The following AHRR variants were observed in gnomAD, a reference collection of about 807,000 sequenced individuals.
AHRR encodes ahR repressor.
Under a neutral mutation model 44.0 loss-of-function variants are expected in AHRR, and 28 were observed. That is an observed-to-expected ratio of 0.64 (90% confidence interval 0.47 to 0.87). AHRR has a LOEUF of 0.87. AHRR is among the 40% of genes least tolerant of loss of function. AHRR has a pLI of 0.00. For synonymous variants in AHRR, 434 were observed against 407.0 expected (o/e 1.07, Z -0.80); for missense variants, 990 against 953.9 (o/e 1.04, Z -0.50).
intron 5 of AHRR, among the ~76,000 whole-genome samples, chr5:414,296 C>G (rs1322820466): frequency 6.6e-6 from 1 of 151,968 alleles, no homozygotes; most frequent in Non-Finnish European, 1.5e-5. Flanking sequence ...AAATCCCACT[C>G]AAGGCCAGGA....
chr5:434,623 C>T lies in AHRR; in HGVS notation c.1883C>T (p.Ser628Leu), dbSNP rs748535811. 32 of 1,561,884 alleles carry T rather than the reference C, an allele frequency of 2.0e-5. No individual in the cohort carries two copies. The highest frequency in any genetic ancestry group is 1.1e-4 in the African/African-American group (8 of 73,580). Reference sequence around the variant, plus strand: ...GAGCCCACAGACGGCCTTCCCCAGTCGGAGCCTCCCCACCAGCTCTGTGCA... The same window carrying T: ...GAGCCCACAGACGGCCTTCCCCAGTTGGAGCCTCCCCACCAGCTCTGTGCA... The part of the protein sequence containing the change: ...CLEPTDGLPQ[S>L]EPPHQLCARG... Residue 628 changes from serine (S) to leucine (L), a missense_variant, in exon 11 of 11, where the codon TCG (serine) becomes TTG (leucine). Physicochemically the swap from Ser to Leu is moderately radical, Grantham distance 145 (BLOSUM62 -2). Coordinates refer to ENST00000684583, the MANE Select transcript of AHRR (RefSeq NM_001377236.1).
intron 1 of AHRR, among the ~76,000 whole-genome samples, chr5:333,147 A>G (rs949289849): frequency 5.3e-5 from 8 of 152,060 alleles, no homozygotes; most frequent in Admixed American, 2.0e-4. Context: ...GCCTCAAGCA[A>G]TCCTCCCATC....
At chr5:328,204 C>CCCG (rs1196296276) in intron 1 of AHRR, among the ~76,000 whole-genome samples, 1 of 150,610 alleles carries the variant, frequency 6.6e-6, no homozygotes, top group Admixed American at 6.6e-5. Flanking sequence ...AGTTTACATT[C>CCCG]CCGCCAATAG....
rs1734650358 is a variant in AHRR, at chr5:395,282, G to A, written c.352-18062G>A. 6.6e-6 allele frequency among the ~76,000 whole-genome samples: 1 copy of A among 152,218 alleles called. No homozygotes were observed. The highest frequency in any genetic ancestry group is 2.4e-5 in the African/African-American group (1 of 41,454). Reference sequence around the variant, plus strand: ...ACACTGGTGCGGAATGCAGACAGAGGGGGCCTGGGAGACACGAGCCCCGGT... The same window carrying A: ...ACACTGGTGCGGAATGCAGACAGAGAGGGCCTGGGAGACACGAGCCCCGGT... On this transcript the variant is annotated intron_variant, in intron 4 of 10. Coordinates refer to ENST00000684583, the MANE Select transcript of AHRR (RefSeq NM_001377236.1). The surrounding 1 kb of genome is among the most constrained non-coding windows in gnomAD (Gnocchi z 5.3).
chr5:411,359 A>G lies in AHRR; in HGVS notation c.352-1985A>G, dbSNP rs1735461433. ...TTATGATGCAATTTTGGGTCTGTGTAGCTGCACCTGTTCTTACCATTCTCC... is the reference window on the plus strand; with the variant it reads ...TTATGATGCAATTTTGGGTCTGTGTGGCTGCACCTGTTCTTACCATTCTCC... On this transcript the variant is annotated intron_variant, in intron 4 of 10. Coordinates refer to ENST00000684583, the MANE Select transcript of AHRR (RefSeq NM_001377236.1). This position sits in a 1 kb window ranked among gnomAD's most constrained non-coding sequence, Gnocchi z 4.2. Among the ~76,000 whole-genome samples, 2 of 151,940 alleles carry G rather than the reference A, an allele frequency of 1.3e-5. No homozygotes were observed. The highest frequency in any genetic ancestry group is 1.5e-5 in the Non-Finnish European group (1 of 68,010).
rs1461546876 is a variant in AHRR, at chr5:434,303, C to A, written c.1563C>A (p.Asp521Glu). Residue 521 changes from aspartate to glutamate, a missense_variant, in exon 11 of 11, where the codon GAC (aspartate) becomes GAA (glutamate). Asp to Glu is a conservative substitution (Grantham distance 45). Transcript: ENST00000684583. The part of the protein sequence containing the change: ...KLQGVPMPPG[D>E]LCGPTLLLDV... ...AAGGTGTACCGATGCCTCCGGGGGA[C>A]CTGTGTGGTCCGACGCTGCTGCTAG... The A allele has an allele frequency of 1.9e-6, 3 of 1,609,964 alleles. No individual in the cohort carries two copies. The highest frequency in any genetic ancestry group is 1.1e-5 in the South Asian group (1 of 90,534).
At chr5:420,076 G>C (rs560859798) in intron 5 of AHRR, among the ~76,000 whole-genome samples, 2 of 152,372 alleles carry the variant, frequency 1.3e-5, no homozygotes, top group South Asian at 4.1e-4. Flanking sequence ...TAGTTATTCA[G>C]CTAAGCTTCC....
intron 5 of AHRR, among the ~76,000 whole-genome samples, chr5:414,195 G>A (rs1735605279): frequency 1.3e-5 from 2 of 152,078 alleles, no homozygotes; most frequent in Non-Finnish European, 2.9e-5. Flanking sequence ...CCTGGGAGGT[G>A]TAGGTTGCAG....
At position 337,207 on chromosome 5, in the gene AHRR, C is replaced by T. The variant is rs1166675891; in HGVS notation, c.-10-6686C>T. Among the ~76,000 whole-genome samples, 1 of 152,004 alleles carries T rather than the reference C, an allele frequency of 6.6e-6. No homozygotes were observed. Among genetic ancestry groups the T allele is most frequent in the Admixed American group, 6.6e-5 (1 of 15,258 alleles). On this transcript the variant is annotated intron_variant, in intron 1 of 10. Coordinates refer to ENST00000684583, the MANE Select transcript of AHRR (RefSeq NM_001377236.1). This position sits in a 1 kb window ranked among gnomAD's most constrained non-coding sequence, Gnocchi z 4.1. ...TAATCAACTATCAATATTGGCTGAT[C>T]CAGTTTCATTTAAAGTCCAGCCTGC...
Position 435,048 on chromosome 5 carries a change from C to T in AHRR, c.*214C>T. ...CCAACAGTTCTTAAATGAAAACTGG[C>T]CTTAAGTCTATTCAAGCATGACAGC... is the stretch of plus-strand genomic sequence containing the variant. On this transcript the variant is annotated 3_prime_UTR_variant, in exon 11 of 11. Coordinates refer to ENST00000684583, the MANE Select transcript of AHRR (RefSeq NM_001377236.1). 1 of 638,480 alleles carries T rather than the reference C, an allele frequency of 1.6e-6. No homozygotes were observed. The highest frequency in any genetic ancestry group is 2.6e-6 in the Non-Finnish European group (1 of 385,628). 39.6% of individuals were successfully genotyped at this position (638,480 alleles called of 1,614,324 possible).
rs10077023 is a variant in AHRR, at chr5:387,001, C to T, written c.351+10285C>T. Among the ~76,000 whole-genome samples, 487 of 152,334 alleles carry T rather than the reference C, an allele frequency of 3.2e-3. 3 individuals carry two copies. The highest frequency in any genetic ancestry group is 5.8e-3 in the South Asian group (28 of 4,828). On this transcript the variant is annotated intron_variant, in intron 4 of 10. Transcript: ENST00000684583. This position sits in a 1 kb window ranked among gnomAD's most constrained non-coding sequence, Gnocchi z 5.1. Reference sequence around the variant, plus strand: ...GGCAGCCCAGTAGTGAGGCTCAGCTCGCAGGTTCTCTCTCCTTCTGGGAGC... The same window carrying T: ...GGCAGCCCAGTAGTGAGGCTCAGCTTGCAGGTTCTCTCTCCTTCTGGGAGC...
intron 3 of AHRR, among the ~76,000 whole-genome samples, chr5:365,063 C>T (rs1743311208): frequency 6.6e-6 from 1 of 151,564 alleles, no homozygotes; most frequent in African/African-American, 2.4e-5. Flanking sequence ...ATTTTAAATA[C>T]TGTAACTCAG....
intron 5 of AHRR, chr5:420,976 C>A: frequency 2.4e-6 from 1 of 423,842 alleles, no homozygotes; most frequent in Non-Finnish European, 4.3e-6. Flanking sequence ...CGCTGAACAG[C>A]CAAAATATAC....
chr5:426,376 A>G (rs13187681), intron 7 of AHRR, among the ~76,000 whole-genome samples: 3 of 151,128 alleles, frequency 2.0e-5, no homozygotes, highest in Admixed American at 6.6e-5. Flanking sequence ...GGATGGATGG[A>G]CAGATGGAAA....
intron 4 of AHRR, among the ~76,000 whole-genome samples, chr5:402,489 G>C (rs1735057912): frequency 7.4e-6 from 1 of 135,022 alleles, no homozygotes; most frequent in Non-Finnish European, 1.6e-5. Context: ...GGAGAGAAGG[G>C]GACCCTCGTG....
rs1326979103 is a variant in AHRR at position 405,379 on chromosome 5, G to C, written c.352-7965G>C. Among the ~76,000 whole-genome samples, 5 of 152,170 alleles carry C rather than the reference G, an allele frequency of 3.3e-5. No individual in the cohort carries two copies. Among genetic ancestry groups the C allele is most frequent in the Non-Finnish European group, 7.3e-5 (5 of 68,038 alleles). On this transcript the variant is annotated intron_variant, in intron 4 of 10. Transcript: ENST00000684583. This position sits in a 1 kb window ranked among gnomAD's most constrained non-coding sequence, Gnocchi z 4.5. The stretch of plus-strand genomic sequence containing the variant: ...GTGGAGTTCAGGGTGATAACGATGG[G>C]CTTCTTTACTGATGCCAAACCGTAT...
At chr5:352,793 C>T (rs1443979479) in intron 2 of AHRR, among the ~76,000 whole-genome samples, 46 of 90,132 alleles carry the variant, frequency 5.1e-4, no homozygotes, top group African/African-American at 9.3e-4. Context: ...ATGGGTCAGC[C>T]GTAGGGGATG....
intron 2 of AHRR, among the ~76,000 whole-genome samples, chr5:347,691 C>T (rs1026878278): frequency 1.3e-5 from 2 of 152,192 alleles, no homozygotes; most frequent in Admixed American, 6.5e-5. Context: ...CAAGCATGGG[C>T]ATCTGTGAAG....
chr5:424,249 C>A (rs10071901), intron 7 of AHRR, among the ~76,000 whole-genome samples: 303 of 67,974 alleles, frequency 4.5e-3, no homozygotes, highest in South Asian at 8.7e-3. Flanking sequence ...GGTGGGGGGG[C>A]GAGGGCCGGT....
Sources: gnomAD v4.1 joint callset for allele counts (sites outside exome capture counted in the v4.1 genomes callset) on GRCh38, gnomAD v4.1.1 for gene constraint, Gnocchi (gnomAD v3.1) non-coding constraint, MANE v1.5 for transcripts, NCBI Gene and HGNC (gene_info 2026-07-23, HGNC 2026-07-21) for gene names.